PRKCB: variants seen among roughly 807,000 people sequenced by gnomAD.
PRKCB encodes protein kinase C beta.
Under a neutral mutation model 81.5 loss-of-function variants are expected in PRKCB, and 13 were observed. The observed-to-expected ratio is 0.16, with a 90% CI of 0.10 to 0.25. The LOEUF is 0.25. Among genes scored for constraint, PRKCB ranks in the 10% least tolerant of loss-of-function variants. The pLI is 1.00. For missense variants in PRKCB, 509 were observed against 875.7 expected (o/e 0.58, Z 5.29); for synonymous variants, 335 against 321.4 (o/e 1.04, Z -0.45).
chr16:24,172,205 C>A, intron 10 of PRKCB, 65 bp from the exon 11 acceptor site: 1 of 1,172,274 alleles, frequency 8.5e-7, no homozygotes, highest in Non-Finnish European at 1.3e-6. Flanking sequence ...GCTCTTCCCC[C>A]ACTGTCCATT....
At chr16:24,065,351 AT>A (rs1481615062) in intron 5 of PRKCB, among the ~76,000 whole-genome samples, 2 of 151,664 alleles carry the variant, frequency 1.3e-5, no homozygotes, top group African/African-American at 2.4e-5. Context: ...CTATTAACTA[AT>A]TAGTCATGTA....
At chr16:23,895,793 G>T (rs1430249828) in intron 2 of PRKCB, among the ~76,000 whole-genome samples, 1 of 152,130 alleles carries the variant, frequency 6.6e-6, no homozygotes, top group African/African-American at 2.4e-5. Context: ...TCATCATAGT[G>T]CCAGGCACAT....
chr16:23,951,999 G>T (rs531529964), intron 2 of PRKCB, among the ~76,000 whole-genome samples: 2 of 152,230 alleles, frequency 1.3e-5, no homozygotes, highest in South Asian at 4.1e-4. Context: ...TGAGGGCAGG[G>T]GCTGTACTTT....
At chr16:24,045,888 A>C (rs1965757440) in intron 5 of PRKCB, among the ~76,000 whole-genome samples, 1 of 152,206 alleles carries the variant, frequency 6.6e-6, no homozygotes, top group African/African-American at 2.4e-5. Flanking sequence ...TCCTGCGCAG[A>C]CCACCACAGG....
At chr16:24,165,351 T>G (rs1967325970) in intron 10 of PRKCB, among the ~76,000 whole-genome samples, 1 of 152,218 alleles carries the variant, frequency 6.6e-6, no homozygotes, top group Non-Finnish European at 1.5e-5. Flanking sequence ...CCACATTCTA[T>G]TTTAGATTAG....
intron 2 of PRKCB, among the ~76,000 whole-genome samples, chr16:23,862,531 T>C (rs80190931): frequency 0.013 from 1,924 of 152,314 alleles, 44 homozygotes; most frequent in African/African-American, 0.042. Context: ...ATTCCCTTCT[T>C]CCAAGTTTCA....
At position 23,944,316 on chromosome 16, in the gene PRKCB, T is replaced by C. The variant is rs1276048644; in HGVS notation, c.206-44192T>C. The stretch of plus-strand genomic sequence containing the variant: ...CCATGATGTCATCTTTGAGCTTTAA[T>C]ATAGCTTAAAATTATCCTTCTGTAG... On this transcript the variant is annotated intron_variant, in intron 2 of 16. Transcript: ENST00000643927. 4.6e-5 allele frequency among the ~76,000 whole-genome samples: 7 copies of C among 152,360 alleles called. No homozygotes were observed. The East Asian group carries it at 1.3e-3, about 29-fold the overall frequency.
intron 16 of PRKCB, among the ~76,000 whole-genome samples, chr16:24,201,223 A>G (rs1349626981): frequency 2.0e-5 from 3 of 152,150 alleles, no homozygotes. Context: ...TTCTCTCTGT[A>G]TCAACAAAAC....
At chr16:23,903,636 G>A (rs578241195) in intron 2 of PRKCB, among the ~76,000 whole-genome samples, 41 of 152,272 alleles carry the variant, frequency 2.7e-4, no homozygotes, top group African/African-American at 3.9e-4. Flanking sequence ...GGAGAATGCC[G>A]GAGAGGGGAA....
rs537878897 is a variant in PRKCB at position 24,053,805 on chromosome 16, G to A, written c.529+18258G>A. ...GCTTGAAGAAACAGCAAGGAGGCTC[G>A]TGTGTCTAAGTGGGGCAAGTCAAGG... On this transcript the variant is annotated intron_variant, in intron 5 of 16. Coordinates refer to ENST00000643927, the MANE Select transcript of PRKCB (RefSeq NM_002738.7). Among the ~76,000 whole-genome samples the A allele has an allele frequency of 1.1e-3, 169 of 152,244 alleles. 1 individual carries two copies. The highest frequency in any genetic ancestry group is 3.9e-3 in the African/African-American group (161 of 41,542).
chr16:24,183,080 G>A (rs865927351), intron 13 of PRKCB, among the ~76,000 whole-genome samples: 34 of 151,896 alleles, frequency 2.2e-4, no homozygotes, highest in South Asian at 4.2e-4. Context: ...CAGGATGGTC[G>A]CGATCTCCTG....
intron 9 of PRKCB, among the ~76,000 whole-genome samples, chr16:24,133,299 G>A (rs1442113240): frequency 6.6e-6 from 1 of 152,188 alleles, no homozygotes; most frequent in South Asian, 2.1e-4. Context: ...AGGGCTCTGG[G>A]TTTTCTGTTC....
At chr16:23,852,712 C>G (rs1962495646) in intron 2 of PRKCB, among the ~76,000 whole-genome samples, 2 of 152,252 alleles carry the variant, frequency 1.3e-5, no homozygotes, top group South Asian at 4.1e-4. Flanking sequence ...TGCTGGTACC[C>G]TAGAAGCATC....
At chr16:23,928,450 G>A (rs1481059475) in intron 2 of PRKCB, among the ~76,000 whole-genome samples, 1 of 152,200 alleles carries the variant, frequency 6.6e-6, no homozygotes, top group African/African-American at 2.4e-5. Flanking sequence ...CTGAGCAAGA[G>A]CTTGTGCAAG....
intron 2 of PRKCB, 58 bp from the exon 3 acceptor site, chr16:23,988,450 C>T: frequency 7.1e-7 from 1 of 1,411,854 alleles, no homozygotes; most frequent in South Asian, 1.2e-5. Flanking sequence ...CTTTCTCTCT[C>T]TTCCTCCTCT....
chr16:24,056,290 C>T (rs940126018), intron 5 of PRKCB, among the ~76,000 whole-genome samples: 3 of 152,196 alleles, frequency 2.0e-5, no homozygotes, highest in Non-Finnish European at 2.9e-5. Flanking sequence ...ACCATCTCTG[C>T]CTGTCACTAG....
At chr16:23,956,582 G>A (rs891915620) in intron 2 of PRKCB, among the ~76,000 whole-genome samples, 1 of 152,130 alleles carries the variant, frequency 6.6e-6, no homozygotes, top group Non-Finnish European at 1.5e-5. Flanking sequence ...GGTGTTTAGG[G>A]CAAAGGATAT....
intron 2 of PRKCB, among the ~76,000 whole-genome samples, chr16:23,872,772 T>A (rs899339305): frequency 6.6e-6 from 1 of 152,098 alleles, no homozygotes; most frequent in South Asian, 2.1e-4. Context: ...ATGGTGAGCA[T>A]CTCTGAGTAG....
In PRKCB at chr16:24,217,370, A is replaced by T. The variant is rs1968244857; in HGVS notation, c.*2554A>T. On this transcript the variant is annotated 3_prime_UTR_variant, in exon 17 of 17. Transcript: ENST00000643927. ...TCCAGTGCAGAAGAAACTGAGAAAC[A>T]GAGCTTTTTGAAGAGAGGACAGGGC... 6 of 985,440 alleles carry T rather than the reference A, an allele frequency of 6.1e-6. No homozygotes were observed. The highest frequency in any genetic ancestry group is 6.0e-6 in the Non-Finnish European group (5 of 829,934). The allele number at this position is 985,440 out of a possible 1,614,324, so 61.0% of individuals were successfully genotyped here. A position where few individuals can be genotyped will look rare whatever the true frequency, so the allele number is the denominator to read the frequency against.
Sources: allele counts gnomAD v4.1 joint callset (sites outside exome capture counted in the v4.1 genomes callset), GRCh38; gene constraint gnomAD v4.1.1; transcripts MANE v1.5; gene names NCBI Gene and HGNC (gene_info 2026-07-23, HGNC 2026-07-21).